The following RACK1 variants were observed in gnomAD, a reference collection of about 807,000 sequenced individuals.
RACK1 encodes receptor for activated C kinase 1.
In RACK1, 3 loss-of-function variants were observed where a neutral mutation model predicts 42.2. The ratio of observed to expected loss-of-function variants is 0.07; its 90% CI spans 0.03 to 0.18. The LOEUF is 0.18. Ranked by LOEUF, RACK1 falls within the 10% of genes least tolerant of loss-of-function variation. The probability of loss-of-function intolerance (pLI) is 1.00; values close to 1 mark genes in which losing one functional copy is unlikely to be tolerated. For missense variants in RACK1, 146 were observed against 403.2 expected (o/e 0.36, Z 5.46); for synonymous variants, 181 against 154.8 (o/e 1.17, Z -1.25).
intron 2 of RACK1, 82 bp from the exon 3 acceptor site, chr5:181,241,721 T>A: frequency 7.0e-7 from 1 of 1,429,124 alleles, no homozygotes; most frequent in Non-Finnish European, 9.8e-7. Flanking sequence ...GCTTTGTCTC[T>A]GTCTCATTGC....
chr5:181,237,050 G>T lies in RACK1; in HGVS notation c.889-8C>A. 2 of 1,613,546 alleles carry T rather than the reference G, an allele frequency of 1.2e-6. No individual in the cohort carries two copies. The highest frequency in any genetic ancestry group is 1.7e-6 in the Non-Finnish European group (2 of 1,179,884). ...GTAGCCAGCAAACAGAGTCTGCAGG[G>T]AAGAAATGACAGTGACAGGTCAGGC... On this transcript the variant is annotated splice_polypyrimidine_tract_variant and splice_region_variant and intron_variant, in intron 7 of 7. Coordinates refer to ENST00000512805, the MANE Select transcript of RACK1 (RefSeq NM_006098.5).
At chr5:181,243,478 G>A (rs187657957) in intron 1 of RACK1, 34 of 1,462,132 alleles carry the variant, frequency 2.3e-5, no homozygotes, top group Non-Finnish European at 2.9e-5. Context: ...GCGAGCTGAT[G>A]TACACGTAGG....
chr5:181,238,827 A>AC (rs1448728969), intron 5 of RACK1: 2 of 477,082 alleles, frequency 4.2e-6, no homozygotes, highest in East Asian at 3.8e-5. Flanking sequence ...AAACAAACAA[A>AC]AAAACAACAA....
chr5:181,241,195 G>A (rs1053849937), intron 3 of RACK1: 17 of 244,496 alleles, frequency 7.0e-5, no homozygotes, highest in Admixed American at 4.0e-4. Flanking sequence ...TTGGGAGGGC[G>A]AGGCAGGCAA....
chr5:181,239,449 CCT>C, intron 4 of RACK1, 36 bp downstream of exon 4: 7 of 1,464,376 alleles, frequency 4.8e-6, no homozygotes, highest in Non-Finnish European at 5.8e-6. Flanking sequence ...GGGAGCACAC[CCT>C]GACTGGTAAA....
At chr5:181,238,426 C>T in intron 5 of RACK1, 187 bp from the exon 6 acceptor site, 1 of 587,514 alleles carries the variant, frequency 1.7e-6, no homozygotes. Flanking sequence ...CCTTACCAAC[C>T]CCATCAAAAA....
At chr5:181,243,598 C>CCGGCCTGCCACACCACACG in intron 1 of RACK1, 94 bp downstream of exon 1, 2 of 1,481,394 alleles carry the variant, frequency 1.4e-6, no homozygotes, top group Non-Finnish European at 1.8e-6. Flanking sequence ...TCGCGCGCCA[C>CCGGCCTGCCACACCACACG]CGGCCTGCCA....
At chr5:181,237,774 T>C in intron 6 of RACK1, 55 bp from the exon 7 acceptor site, 3 of 987,486 alleles carry the variant, frequency 3.0e-6, no homozygotes, top group Admixed American at 1.7e-5. Flanking sequence ...GAGTCTCCTC[T>C]TAAAAGCCCC....
chr5:181,243,395 C>A (rs1240899196), intron 1 of RACK1: 2 of 1,436,134 alleles, frequency 1.4e-6, no homozygotes, highest in Admixed American at 1.8e-5. Flanking sequence ...GCCCGTAGGC[C>A]CCCGGCCACA....
rs781578101 is a variant in RACK1 at position 181,243,377 on chromosome 5, C to T, written c.109+315G>A. Reference sequence around the variant, plus strand: ...GATGGCATGTTGGGGTCATCACCGCCCCGCCCGGCCCGTAGGCCCCCGGCC... The same window carrying T: ...GATGGCATGTTGGGGTCATCACCGCTCCGCCCGGCCCGTAGGCCCCCGGCC... On this transcript the variant is annotated intron_variant, in intron 1 of 7. Coordinates refer to ENST00000512805, the MANE Select transcript of RACK1 (RefSeq NM_006098.5). 15 of 1,409,334 alleles carry T rather than the reference C, an allele frequency of 1.1e-5. No homozygotes were observed. In the South Asian group the frequency reaches 1.1e-4, roughly 11 times the overall value. The allele number at this position is 1,409,334 out of a possible 1,614,324, so 87.3% of individuals were successfully genotyped here. A position where few individuals can be genotyped will look rare whatever the true frequency, so the allele number is the denominator to read the frequency against.
In RACK1 at chr5:181,239,356, G is replaced by A. The variant is rs532745028; in HGVS notation, c.525+131C>T. The A allele has an allele frequency of 1.6e-4, 125 of 787,180 alleles. 2 individuals carry two copies. The South Asian group carries it at 1.6e-3, about 10-fold the overall frequency. The allele number at this position is 787,180 out of a possible 1,614,324, so 48.8% of individuals were successfully genotyped here. On this transcript the variant is annotated intron_variant, in intron 4 of 7. Transcript: ENST00000512805. ...CAATGCAGTGTGCTGACTTACAAGGGACATCAGACCATGTGACAAGAGAAA... is the reference window on the plus strand; with the variant it reads ...CAATGCAGTGTGCTGACTTACAAGGAACATCAGACCATGTGACAAGAGAAA...
chr5:181,239,777 C>T (rs12655210), intron 3 of RACK1, among the ~76,000 whole-genome samples, 195 bp from the exon 4 acceptor site: 10,987 of 152,196 alleles, frequency 0.072, 593 homozygotes, highest in East Asian at 0.26. Context: ...GGTGGCTGGA[C>T]GCAGAAGCTC....
intron 1 of RACK1, chr5:181,243,119 G>T (rs1316217646): frequency 1.0e-5 from 5 of 502,512 alleles, no homozygotes; most frequent in Non-Finnish European, 1.7e-5. Context: ...ACGATTAACA[G>T]CCAGACATGA....
chr5:181,239,286 C>A, intron 4 of RACK1, 109 bp from the exon 5 acceptor site: 1 of 808,804 alleles, frequency 1.2e-6, no homozygotes, highest in Non-Finnish European at 2.2e-6. Context: ...ATTTCTCATT[C>A]AGTAACATGT....
At chr5:181,243,184 C>T in intron 1 of RACK1, 1 of 911,978 alleles carries the variant, frequency 1.1e-6, no homozygotes, top group Non-Finnish European at 1.6e-6. Context: ...GCACAAGAAG[C>T]GTCTAAACGC....
intron 5 of RACK1, 185 bp from the exon 6 acceptor site, chr5:181,238,424 ACCCCATC>A: frequency 1.7e-6 from 1 of 589,646 alleles, no homozygotes; most frequent in Non-Finnish European, 2.9e-6. Context: ...GACCTTACCA[ACCCCATC>A]AAAAAACCCC....
chr5:181,241,801 C>T (rs41285571), intron 2 of RACK1, 162 bp from the exon 3 acceptor site: 14,321 of 835,826 alleles, frequency 0.017, 178 homozygotes, highest in Non-Finnish European at 0.024. Context: ...AAGAGAAGAG[C>T]CAAGTGACAG....
intron 6 of RACK1, 87 bp from the exon 7 acceptor site, chr5:181,237,806 G>A (rs1484930388): frequency 9.5e-6 from 8 of 840,116 alleles, no homozygotes; most frequent in African/African-American, 5.0e-5. Context: ...AAGTTAAAAA[G>A]GGATGATTTT....
At position 181,237,931 on chromosome 5, in the gene RACK1, T is replaced by C. The variant is rs984174982; in HGVS notation, c.777+168A>G. Reference sequence around the variant, plus strand: ...GGAAATGCTGCTAAACATCCTGGAATGTACAGGACTGCACACCACAACAGA... The same window carrying C: ...GGAAATGCTGCTAAACATCCTGGAACGTACAGGACTGCACACCACAACAGA... On this transcript the variant is annotated intron_variant, in intron 6 of 7. Transcript: ENST00000512805. 18 of 693,370 alleles carry C rather than the reference T, an allele frequency of 2.6e-5. No homozygotes were observed. In the African/African-American group the frequency reaches 3.5e-4, roughly 14 times the overall value. The allele number at this position is 693,370 out of a possible 1,614,324, so 43.0% of individuals were successfully genotyped here.
Sources: gnomAD v4.1 joint callset for allele counts (sites outside exome capture counted in the v4.1 genomes callset) on GRCh38, gnomAD v4.1.1 for gene constraint, MANE v1.5 for transcripts, NCBI Gene and HGNC (gene_info 2026-07-23, HGNC 2026-07-21) for gene names.